COL6A6: variants seen among roughly 807,000 people sequenced by gnomAD.
COL6A6 encodes the protein collagen type VI alpha 6 chain, also known as collagen alpha-6(VI) chain.
Under a neutral mutation model 208.6 loss-of-function variants are expected in COL6A6, and 183 were observed. The observed-to-expected ratio is 0.88, with a 90% CI of 0.78 to 0.99. COL6A6 has a LOEUF of 0.99. Ranked by LOEUF, COL6A6 falls within the 50% of genes least tolerant of loss-of-function variation. COL6A6 has a pLI of 0.00. For missense variants in COL6A6, 2,816 were observed against 2,815.2 expected, an observed-to-expected ratio of 1.00 and a Z score of -0.01; for synonymous variants, 973 against 1,011.8, an observed-to-expected ratio of 0.96 and a Z score of 0.73.
chr3:130,623,801 G>C (rs2108282294), intron 24 of COL6A6, among the ~76,000 whole-genome samples: 1 of 152,286 alleles, frequency 6.6e-6, no homozygotes, highest in Admixed American at 6.5e-5. Flanking sequence ...ATAACTCTTG[G>C]TGATGCCTCT....
At chr3:130,662,442 A>G (rs2065961927) in intron 35 of COL6A6, 134 bp downstream of exon 35, 1 of 788,032 alleles carries the variant, frequency 1.3e-6, no homozygotes. Flanking sequence ...CAGAAAGGAA[A>G]ATATATAATG....
At chr3:130,529,716 G>T (rs2062039773) in intron 1 of COL6A6, among the ~76,000 whole-genome samples, 1 of 152,276 alleles carries the variant, frequency 6.6e-6, no homozygotes, top group East Asian at 1.9e-4. Flanking sequence ...CCCCTGCTGG[G>T]AGCACCTGTA....
chr3:130,614,654 T>C (rs1018543186), intron 23 of COL6A6, among the ~76,000 whole-genome samples: 1 of 152,282 alleles, frequency 6.6e-6, no homozygotes, highest in African/African-American at 2.4e-5. Context: ...GTTTTTTGGT[T>C]GGTAGGCTTT....
At position 130,635,232 on chromosome 3, in the gene COL6A6, C is replaced by T. The variant is rs1216215147; in HGVS notation, c.5029-467C>T. On this transcript the variant is annotated intron_variant, in intron 27 of 36. Transcript: ENST00000358511. ...CTTGGGTGACACAGTGAGACTCTGT[C>T]TCCAAAAAAAAATAAAAGTAGAAAG... is the stretch of plus-strand genomic sequence containing the variant. Among the ~76,000 whole-genome samples, 4 of 149,866 alleles carry T rather than the reference C, an allele frequency of 2.7e-5. No homozygotes were observed. The South Asian group carries it at 6.4e-4, about 24-fold the overall frequency.
intron 18 of COL6A6, among the ~76,000 whole-genome samples, chr3:130,597,415 A>G (rs2063883466): frequency 6.6e-6 from 1 of 152,150 alleles, no homozygotes; most frequent in Non-Finnish European, 1.5e-5. Context: ...GTACAAAACC[A>G]TTTGTTTAAA....
In COL6A6 at chr3:130,639,282, T is replaced by A. The variant is rs568858752; in HGVS notation, c.5092-2370T>A. On this transcript the variant is annotated intron_variant, in intron 28 of 36. Transcript: ENST00000358511. ...CTTTCTGAAAATATAAATATTTTTG[T>A]CTTTTTTGCCCAACATAGTCTGTTT... Among the ~76,000 whole-genome samples, 320 of 152,358 alleles carry A rather than the reference T, an allele frequency of 2.1e-3. 1 individual carries two copies. Among genetic ancestry groups the A allele is most frequent in the African/African-American group, 7.5e-3 (310 of 41,582 alleles).
intron 24 of COL6A6, among the ~76,000 whole-genome samples, chr3:130,623,089 A>G (rs2064785350): frequency 6.6e-6 from 1 of 152,106 alleles, no homozygotes; most frequent in African/African-American, 2.4e-5. Flanking sequence ...GGTGTTATCT[A>G]AAACTTTTGA....
At position 130,565,132 on chromosome 3, in the gene COL6A6, G is replaced by C. The variant is rs2107883267; in HGVS notation, c.800G>C (p.Arg267Thr). ...CTTGACATAAAGGAAAATTGCATGA[G>C]GGTTGGCCTTGTGGCCTATAGCAAT... ...SALDIKENCMRVGLVAYSNET... is the reference protein window; with the variant it reads ...SALDIKENCMTVGLVAYSNET... The change falls in exon 4 of 37, where the codon AGG (arginine) becomes ACG (threonine). Residue 267 changes from arginine (R) to threonine (T), a missense_variant. Coordinates refer to ENST00000358511, the MANE Select transcript of COL6A6 (RefSeq NM_001102608.3). 6.2e-7 allele frequency: 1 copy of C among 1,614,052 alleles called. No homozygotes were observed. The highest frequency in any genetic ancestry group is 2.2e-5 in the East Asian group (1 of 44,888).
At chr3:130,621,961 C>A (rs1559760595) in intron 24 of COL6A6, 78 bp downstream of exon 24, 2 of 1,212,722 alleles carry the variant, frequency 1.6e-6, no homozygotes, top group Non-Finnish European at 2.4e-6. Context: ...TTAGCCAGGG[C>A]CCTTTCAACA....
In COL6A6 at chr3:130,676,298, C is replaced by T. The variant is rs568776894; in HGVS notation, c.*901C>T. ...GCTCTTAAAAACAGCCTTAAATACA[C>T]ACTGAGTTTAGAAAAATGTAAGAAA... is the stretch of plus-strand genomic sequence containing the variant. On this transcript the variant is annotated 3_prime_UTR_variant, in exon 37 of 37. Transcript: ENST00000358511. 6.6e-6 allele frequency: 1 copy of T among 152,314 alleles called. No homozygotes were observed. Among genetic ancestry groups the T allele is most frequent in the South Asian group, 2.1e-4 (1 of 4,828 alleles). The allele number at this position is 152,314 out of a possible 1,614,324, so 9.4% of individuals were successfully genotyped here. A position where few individuals can be genotyped will look rare whatever the true frequency, so the allele number is the denominator to read the frequency against.
In COL6A6 at chr3:130,593,045, A is replaced by G; in HGVS notation, c.4372-16A>G. 6.2e-7 allele frequency: 1 copy of G among 1,611,066 alleles called. No individual in the cohort carries two copies. The highest frequency in any genetic ancestry group is 1.7e-5 in the Admixed American group (1 of 59,984). ...GCACGTGATGTACTCTGTTCTAATC[A>G]TATCTATCTTTTCAGGGAGAAGTTG... On this transcript the variant is annotated splice_polypyrimidine_tract_variant and intron_variant, in intron 15 of 36. Transcript: ENST00000358511.
intron 28 of COL6A6, among the ~76,000 whole-genome samples, chr3:130,639,386 A>G (rs917427238): frequency 1.3e-5 from 2 of 152,194 alleles, no homozygotes; most frequent in African/African-American, 4.8e-5. Flanking sequence ...CATATTTAAG[A>G]ATTGAAGACA....
chr3:130,571,300 T>C lies in COL6A6; in HGVS notation c.2884T>C (p.Ser962Pro). The C allele has an allele frequency of 1.2e-6, 2 of 1,613,966 alleles. No homozygotes were observed. Among genetic ancestry groups the C allele is most frequent in the Non-Finnish European group, 1.7e-6 (2 of 1,179,876 alleles). ...CGTGGAGCTGTTAGCCATGGCAGGA[T>C]CAAGCGACAAGTACTTCTTCGTGGA... ...NPVELLAMAG[S>P]SDKYFFVETF... Residue 962 changes from serine to proline, a missense_variant, in exon 7 of 37, where the codon TCA (serine) becomes CCA (proline). By Grantham distance (74) the Ser-to-Pro change is moderately conservative. Transcript: ENST00000358511.
rs2063155036 is a variant in COL6A6, at chr3:130,571,179, G to A, written c.2763G>A (p.Gly921=). Residue 921 remains glycine, a synonymous_variant, in exon 7 of 37, where the codon GGG becomes GGA. Coordinates refer to ENST00000358511, the MANE Select transcript of COL6A6 (RefSeq NM_001102608.3). ...AAGTCCTCATTGTGATCACCGATGG[G>A]GAATCCCATGATGCTGATAAACTCA... The part of the protein sequence containing the change: ...VPQVLIVITD[G]ESHDADKLNA... 1.9e-6 allele frequency: 3 copies of A among 1,613,350 alleles called. No homozygotes were observed. Among genetic ancestry groups the A allele is most frequent in the Admixed American group, 1.7e-5 (1 of 59,950 alleles).
chr3:130,672,117 T>A (rs2066232770), intron 36 of COL6A6, among the ~76,000 whole-genome samples: 1 of 152,236 alleles, frequency 6.6e-6, no homozygotes, highest in African/African-American at 2.4e-5. Flanking sequence ...TCTATTTCAG[T>A]GCATCCAGTC....
Position 130,566,811 on chromosome 3 carries a change from G to T in COL6A6, c.1392G>T (p.Gly464=), listed in dbSNP as rs1241210314. The T allele has an allele frequency of 6.2e-7, 1 of 1,613,884 alleles. No individual in the cohort carries two copies. The highest frequency in any genetic ancestry group is 1.3e-5 in the African/African-American group (1 of 74,928). ...AGACGTTCCTGTCAGAGGTGGTAGG[G>T]ATGTTCAACATTGCTCCCCATAAGG... ...EMKTFLSEVV[G]MFNIAPHKVR... The change falls in exon 5 of 37, where the codon GGG becomes GGT. Residue 464 remains glycine (G), a synonymous_variant. Transcript: ENST00000358511.
At chr3:130,640,132 CT>C (rs2065269121) in intron 28 of COL6A6, among the ~76,000 whole-genome samples, 1 of 152,214 alleles carries the variant, frequency 6.6e-6, no homozygotes, top group South Asian at 2.1e-4. Flanking sequence ...AACTAAACAT[CT>C]TTACTTCACC....
intron 13 of COL6A6, among the ~76,000 whole-genome samples, chr3:130,592,058 T>C (rs900616305): frequency 6.6e-6 from 1 of 152,206 alleles, no homozygotes; most frequent in East Asian, 1.9e-4. Context: ...ATTGGGAGTC[T>C]TGAATCCCCT....
At chr3:130,651,188 G>A (rs935412975) in intron 33 of COL6A6, among the ~76,000 whole-genome samples, 1 of 152,176 alleles carries the variant, frequency 6.6e-6, no homozygotes, top group Admixed American at 6.5e-5. Flanking sequence ...AGCATTTTGG[G>A]AGGCTGAGGC....
Sources: gnomAD v4.1 joint callset for allele counts (sites outside exome capture counted in the v4.1 genomes callset) on GRCh38, gnomAD v4.1.1 for gene constraint, MANE v1.5 for transcripts, NCBI Gene and HGNC (gene_info 2026-07-23, HGNC 2026-07-21) for gene names.